PRAG1: variants seen among roughly 807,000 people sequenced by gnomAD.
PRAG1 encodes PEAK1 related, kinase-activating pseudokinase 1.
PRAG1 carries 110 observed loss-of-function variants against 95.6 expected under a neutral mutation model. That is an observed-to-expected ratio of 1.15 (90% CI 0.99 to 1.35). The LOEUF is 1.35. PRAG1 is among the 40% of genes most tolerant of loss of function. PRAG1 has a pLI of 0.00. For synonymous variants in PRAG1, 1,052 were observed against 819.4 expected (o/e 1.28, Z -4.85); for missense variants, 2,554 against 1,864.7 (o/e 1.37, Z -6.81).
At chr8:8,343,732 C>T (rs1329940623) in intron 3 of PRAG1, among the ~76,000 whole-genome samples, 2 of 152,122 alleles carry the variant, frequency 1.3e-5, no homozygotes, top group South Asian at 2.1e-4. Flanking sequence ...CAGAACTCTG[C>T]TGTTGTAGCT....
At chr8:8,351,030 T>C (rs1799504277) in intron 3 of PRAG1, among the ~76,000 whole-genome samples, 1 of 152,198 alleles carries the variant, frequency 6.6e-6, no homozygotes, top group South Asian at 2.1e-4. Context: ...CTGAGTGTAT[T>C]AGTTAGTTCT....
At chr8:8,368,729 G>A (rs1800093685) in intron 3 of PRAG1, among the ~76,000 whole-genome samples, 1 of 152,088 alleles carries the variant, frequency 6.6e-6, no homozygotes, top group African/African-American at 2.4e-5. Context: ...GAGGGGGACT[G>A]ACCACACTGC....
At chr8:8,373,032 G>A (rs1349417023) in intron 3 of PRAG1, among the ~76,000 whole-genome samples, 1 of 152,090 alleles carries the variant, frequency 6.6e-6, no homozygotes, top group Admixed American at 6.5e-5. Context: ...TTCACAAATG[G>A]GCCCATGTGA....
intron 5 of PRAG1, among the ~76,000 whole-genome samples, chr8:8,326,664 G>C (rs890430423): frequency 1.6e-4 from 25 of 152,240 alleles, no homozygotes; most frequent in African/African-American, 4.6e-4. Flanking sequence ...GCCTGATCCA[G>C]CATCAAAGGT....
chr8:8,341,199 A>T (rs1412241499), intron 3 of PRAG1, among the ~76,000 whole-genome samples: 2 of 152,194 alleles, frequency 1.3e-5, no homozygotes, highest in East Asian at 1.9e-4. Context: ...CTAAGGGAGA[A>T]ACTACAGCAC....
At position 8,339,491 on chromosome 8, in the gene PRAG1, GGTCCTAGA is replaced by G. The variant is rs746560985; in HGVS notation, c.2299_2306del (p.Ser767LeufsTer9). 1 of 1,614,064 alleles carries G rather than the reference GGTCCTAGA, an allele frequency of 6.2e-7. No homozygotes were observed. Among genetic ancestry groups the G allele is most frequent in the Non-Finnish European group, 8.5e-7 (1 of 1,179,984 alleles). ...CAAGTTTGTTACCTCCATCGCTGCA[GGTCCTAGA>G]GTCTGAGGCCAGGCTGTCCGTGGAG... is the stretch of plus-strand genomic sequence containing the variant. On this transcript the variant is annotated frameshift_variant, in exon 4 of 6. Transcript: ENST00000615670. LOFTEE classifies it high-confidence loss of function.
At chr8:8,367,517 C>T (rs1255865577) in intron 3 of PRAG1, among the ~76,000 whole-genome samples, 2 of 147,860 alleles carry the variant, frequency 1.4e-5, no homozygotes, top group African/African-American at 5.0e-5. Flanking sequence ...TTAAGTGATG[C>T]CACCACGCTG....
At position 8,328,161 on chromosome 8, in the gene PRAG1, G is replaced by A. The variant is rs370291180; in HGVS notation, c.2621C>T (p.Pro874Leu). The A allele has an allele frequency of 4.4e-5, 71 of 1,614,262 alleles. 1 individual carries two copies. In the East Asian group the frequency reaches 1.1e-3, roughly 25 times the overall value. Residue 874 changes from proline to leucine, a missense_variant, in exon 5 of 6, where the codon CCT (proline) becomes CTT (leucine). Coordinates refer to ENST00000615670, the MANE Select transcript of PRAG1 (RefSeq NM_001080826.3). ...YSLSPGNRHHPVFSSSDPLEK... is the reference protein window; with the variant it reads ...YSLSPGNRHHLVFSSSDPLEK... ...CAGAGGATCGGAAGAGGAGAAGACA[G>A]GATGGTGGCGGTTCCCGGGGCTCAA... is the stretch of plus-strand genomic sequence containing the variant.
intron 3 of PRAG1, among the ~76,000 whole-genome samples, chr8:8,353,913 G>A (rs1199711105): frequency 6.6e-6 from 1 of 151,710 alleles, no homozygotes; most frequent in Non-Finnish European, 1.5e-5. Context: ...TTGCACAAGG[G>A]AGGAAATAAT....
Position 8,318,658 on chromosome 8 carries a change from C to G in PRAG1, c.3717G>C (p.Leu1239=). 6.2e-7 allele frequency: 1 copy of G among 1,611,976 alleles called. No homozygotes were observed. Among genetic ancestry groups the G allele is most frequent in the Non-Finnish European group, 8.5e-7 (1 of 1,179,874 alleles). The part of the protein sequence containing the change: ...NLQQKKSQAR[L]APEIVSASQY... ...GGGAAGCAGACACGATCTCGGGGGC[C>G]AGCCGGGCCTGGCTCTTCTTCTGCT... The change falls in exon 6 of 6, where the codon CTG becomes CTC. Residue 1239 remains leucine (L), a synonymous_variant. Transcript: ENST00000615670. This position sits in a 1 kb window ranked among gnomAD's most constrained non-coding sequence, Gnocchi z 4.2.
At chr8:8,346,145 C>G (rs1228410760) in intron 3 of PRAG1, among the ~76,000 whole-genome samples, 1 of 152,198 alleles carries the variant, frequency 6.6e-6, no homozygotes, top group Non-Finnish European at 1.5e-5. Flanking sequence ...AACAAGACTA[C>G]TTAGCCTTTT....
In PRAG1 at chr8:8,354,504, T is replaced by C. The variant is rs529359304; in HGVS notation, c.2163-14869A>G. On this transcript the variant is annotated intron_variant, in intron 3 of 5. Coordinates refer to ENST00000615670, the MANE Select transcript of PRAG1 (RefSeq NM_001080826.3). ...AGAAAAGAAAAAGTACAGGCCAATA[T>C]TGCTGATGAATATTAATTCAATTCT... Among the ~76,000 whole-genome samples the C allele has an allele frequency of 8.5e-5, 13 of 152,332 alleles. No homozygotes were observed. In the South Asian group the frequency reaches 1.9e-3, roughly 22 times the overall value.
chr8:8,334,983 A>T (rs569725398), intron 4 of PRAG1, among the ~76,000 whole-genome samples: 4 of 151,800 alleles, frequency 2.6e-5, no homozygotes, highest in Non-Finnish European at 5.9e-5. Context: ...AGGCAGGAGA[A>T]TTGTTTGAAC....
At chr8:8,348,900 G>A (rs1402955342) in intron 3 of PRAG1, among the ~76,000 whole-genome samples, 4 of 152,184 alleles carry the variant, frequency 2.6e-5, no homozygotes, top group Admixed American at 6.5e-5. Context: ...CTGGAACACA[G>A]AGTCATTATT....
chr8:8,322,027 C>A (rs1798486130), intron 5 of PRAG1, among the ~76,000 whole-genome samples: 1 of 152,198 alleles, frequency 6.6e-6, no homozygotes, highest in Non-Finnish European at 1.5e-5. Flanking sequence ...AACTCACGGG[C>A]AACAGCACTA....
At chr8:8,378,525 T>C (rs554760959) in intron 2 of PRAG1, among the ~76,000 whole-genome samples, 2 of 152,284 alleles carry the variant, frequency 1.3e-5, no homozygotes, top group African/African-American at 4.8e-5. Context: ...TCACAGTGCA[T>C]GCCTGAAGAA....
chr8:8,344,405 G>C (rs1056123785), intron 3 of PRAG1, among the ~76,000 whole-genome samples: 4 of 152,140 alleles, frequency 2.6e-5, no homozygotes, highest in Admixed American at 2.0e-4. Context: ...CATTTGTATA[G>C]AGATTAAAAA....
intron 4 of PRAG1, among the ~76,000 whole-genome samples, chr8:8,329,714 C>T (rs1291692796): frequency 6.6e-6 from 1 of 152,176 alleles, no homozygotes; most frequent in Admixed American, 6.5e-5. Context: ...CTTTCTCCAA[C>T]CCAAGAGGGA....
intron 3 of PRAG1, among the ~76,000 whole-genome samples, chr8:8,359,067 T>G (rs911248287): frequency 2.0e-5 from 3 of 152,226 alleles, no homozygotes; most frequent in African/African-American, 7.2e-5. Flanking sequence ...TAATGAAGAG[T>G]TATTGTTAAA....
Sources: allele counts gnomAD v4.1 joint callset (sites outside exome capture counted in the v4.1 genomes callset), GRCh38; gene constraint gnomAD v4.1.1; non-coding constraint Gnocchi (gnomAD v3.1); transcripts MANE v1.5; gene names NCBI Gene and HGNC (gene_info 2026-07-23, HGNC 2026-07-21).